Variants in DGKI observed in about 807,000 individuals in gnomAD.
The protein encoded by DGKI is diacylglycerol kinase iota.
In DGKI, 55 loss-of-function variants were observed where a neutral mutation model predicts 147.5. That is an observed-to-expected ratio of 0.37 (90% CI 0.30 to 0.47). DGKI has a LOEUF of 0.47. Ranked by LOEUF, DGKI falls within the 20% of genes least tolerant of loss-of-function variation. The pLI is 1.00. For missense variants in DGKI, 1,007 were observed against 1,323.8 expected (o/e 0.76, Z 3.71); for synonymous variants, 469 against 477.1 (o/e 0.98, Z 0.22).
At chr7:137,740,949 G>T (rs61697285) in intron 1 of DGKI, among the ~76,000 whole-genome samples, 177 of 152,280 alleles carry the variant, frequency 1.2e-3, no homozygotes, top group African/African-American at 4.0e-3. Flanking sequence ...GAGTAACTAG[G>T]TAAATGAGCT....
intron 1 of DGKI, among the ~76,000 whole-genome samples, chr7:137,703,335 C>T (rs541620424): frequency 4.6e-5 from 7 of 152,316 alleles, no homozygotes; most frequent in African/African-American, 1.7e-4. Context: ...CCACCAGGCC[C>T]CTCCTCCAAT....
intron 1 of DGKI, among the ~76,000 whole-genome samples, chr7:137,731,157 A>C (rs964200014): frequency 2.6e-5 from 4 of 151,962 alleles, no homozygotes; most frequent in African/African-American, 9.7e-5. Flanking sequence ...TTGTCTCCAT[A>C]CTAGTATTAT....
At chr7:137,648,538 A>G (rs1253563954) in intron 5 of DGKI, among the ~76,000 whole-genome samples, 1 of 152,262 alleles carries the variant, frequency 6.6e-6, no homozygotes, top group Non-Finnish European at 1.5e-5. Context: ...ACGATTCTTC[A>G]GTCTCATAAC....
chr7:137,659,750 G>C (rs755103631), intron 3 of DGKI, among the ~76,000 whole-genome samples: 2 of 152,170 alleles, frequency 1.3e-5, no homozygotes, highest in African/African-American at 2.4e-5. Flanking sequence ...GGCTAACACA[G>C]TGAAAGCTCG....
intron 20 of DGKI, among the ~76,000 whole-genome samples, chr7:137,525,871 C>A (rs1231734892): frequency 1.3e-5 from 2 of 152,042 alleles, no homozygotes; most frequent in Admixed American, 1.3e-4. Context: ...ACATTTCTGA[C>A]AAGGTGCTGG....
Position 137,672,013 on chromosome 7 carries a change from C to A in DGKI, c.606+6544G>T, listed in dbSNP as rs184220894. ...AACAGCATCCTGAAGTCTGACAGTT[C>A]CATTTTTCCTCTTACACAACATACA... On this transcript the variant is annotated intron_variant, in intron 3 of 32. Transcript: ENST00000614521. Among the ~76,000 whole-genome samples, 577 of 152,268 alleles carry A rather than the reference C, an allele frequency of 3.8e-3. 6 individuals carry two copies. The highest frequency in any genetic ancestry group is 0.013 in the African/African-American group (550 of 41,554).
intron 30 of DGKI, among the ~76,000 whole-genome samples, chr7:137,400,638 C>T (rs1404777924): frequency 1.3e-5 from 2 of 152,098 alleles, no homozygotes; most frequent in African/African-American, 4.8e-5. Flanking sequence ...GGCATGCCCG[C>T]GGCTACCCAT....
At chr7:137,838,650 CA>C (rs1274889375) in intron 1 of DGKI, among the ~76,000 whole-genome samples, 6 of 152,136 alleles carry the variant, frequency 3.9e-5, no homozygotes, top group Non-Finnish European at 8.8e-5. Flanking sequence ...TACACAAAAG[CA>C]GTCCAACTGT....
intron 1 of DGKI, among the ~76,000 whole-genome samples, chr7:137,718,539 G>C (rs140567126): frequency 6.6e-6 from 1 of 152,168 alleles, no homozygotes; most frequent in Non-Finnish European, 1.5e-5. Flanking sequence ...CCTTGGATAC[G>C]CAAGGCTCCA....
intron 1 of DGKI, among the ~76,000 whole-genome samples, chr7:137,798,187 T>C (rs954818538): frequency 5.3e-5 from 8 of 152,094 alleles, no homozygotes; most frequent in African/African-American, 1.9e-4. Context: ...CCAAAGAGAC[T>C]GAATTAGTAA....
At chr7:137,557,462 G>A (rs1321860795) in intron 19 of DGKI, among the ~76,000 whole-genome samples, 2 of 152,176 alleles carry the variant, frequency 1.3e-5, no homozygotes, top group South Asian at 4.2e-4. Context: ...ATAAATTATT[G>A]GAGAAATGAT....
chr7:137,451,241 G>A (rs1463975728), intron 27 of DGKI, among the ~76,000 whole-genome samples: 2 of 152,252 alleles, frequency 1.3e-5, no homozygotes, highest in Non-Finnish European at 2.9e-5. Context: ...TGTTGTCATG[G>A]CAGTCTGAAT....
At chr7:137,397,661 G>A (rs765829426) in intron 30 of DGKI, among the ~76,000 whole-genome samples, 7 of 152,144 alleles carry the variant, frequency 4.6e-5, no homozygotes, top group Admixed American at 1.3e-4. Context: ...AGCAGCTTTC[G>A]ATCAAGTTTA....
At chr7:137,779,171 C>T (rs949360463) in intron 1 of DGKI, among the ~76,000 whole-genome samples, 15 of 151,894 alleles carry the variant, frequency 9.9e-5, no homozygotes, top group African/African-American at 3.6e-4. Flanking sequence ...ATAGAGAGTC[C>T]AGAAATAGTA....
chr7:137,820,003 A>G (rs76306331), intron 1 of DGKI, among the ~76,000 whole-genome samples: 2,720 of 152,264 alleles, frequency 0.018, 97 homozygotes, highest in African/African-American at 0.061. Context: ...CACTTCTTGC[A>G]TGCCTTCGAC....
intron 6 of DGKI, among the ~76,000 whole-genome samples, chr7:137,636,743 G>A (rs1821325712): frequency 6.6e-6 from 1 of 152,230 alleles, no homozygotes; most frequent in South Asian, 2.1e-4. Flanking sequence ...TTGGGTGATG[G>A]AGGCAGATCC....
At chr7:137,436,162 A>T (rs1431437572) in intron 28 of DGKI, among the ~76,000 whole-genome samples, 1 of 152,198 alleles carries the variant, frequency 6.6e-6, no homozygotes, top group Non-Finnish European at 1.5e-5. Flanking sequence ...TTAAGGGAAT[A>T]GCTACCTTTT....
At chr7:137,685,290 G>T (rs966186277) in intron 2 of DGKI, among the ~76,000 whole-genome samples, 4 of 152,168 alleles carry the variant, frequency 2.6e-5, no homozygotes, top group African/African-American at 9.7e-5. Flanking sequence ...CAAGGGTGCT[G>T]GGTTTAAAAC....
chr7:137,609,655 A>G, intron 8 of DGKI, 46 bp from the exon 9 acceptor site: 13 of 1,445,516 alleles, frequency 9.0e-6, no homozygotes, highest in Non-Finnish European at 1.2e-5. Flanking sequence ...CAGCCAGCCC[A>G]GGAGCTTTCC....
Sources: gnomAD v4.1 joint callset for allele counts (sites outside exome capture counted in the v4.1 genomes callset) on GRCh38, gnomAD v4.1.1 for gene constraint, MANE v1.5 for transcripts, NCBI Gene and HGNC (gene_info 2026-07-23, HGNC 2026-07-21) for gene names.